The following EIF2AK4 variants were observed in gnomAD, a reference collection of about 807,000 sequenced individuals.
EIF2AK4 encodes eukaryotic translation initiation factor 2 alpha kinase 4.
EIF2AK4 carries 139 observed loss-of-function variants against 211.1 expected under a neutral mutation model. The ratio of observed to expected loss-of-function variants is 0.66; its 90% CI spans 0.57 to 0.76. The LOEUF (loss-of-function observed/expected upper bound fraction) is 0.76. EIF2AK4 is among the 30% of genes least tolerant of loss of function. The pLI is 0.00. For synonymous variants in EIF2AK4, 710 were observed against 751.3 expected, an observed-to-expected ratio of 0.94 and a Z score of 0.90; for missense variants, 1,664 against 2,043.8, an observed-to-expected ratio of 0.81 and a Z score of 3.58.
chr15:40,035,036 G>A lies in EIF2AK4; in HGVS notation c.4902G>A (p.Val1634=), dbSNP rs901610212. The part of the protein sequence containing the change: ...YNIKVEKKVS[V]LFLYSYRDDY... ...TTCTTTTCTTTTGCAGGGTGTCTGT[G>A]CTATTTCTGTACAGCTATAGAGATG... Residue 1634 remains valine, a synonymous_variant, in exon 39 of 39, where the codon GTG becomes GTA. Transcript: ENST00000263791. 5 of 1,581,354 alleles carry A rather than the reference G, an allele frequency of 3.2e-6. No individual in the cohort carries two copies. The highest frequency in any genetic ancestry group is 3.4e-6 in the Non-Finnish European group (4 of 1,164,988).
chr15:40,012,168 T>C (rs2035243712), intron 27 of EIF2AK4, among the ~76,000 whole-genome samples: 1 of 152,200 alleles, frequency 6.6e-6, no homozygotes, highest in Non-Finnish European at 1.5e-5. Context: ...ACACCTACAG[T>C]GTGGCAGGCA....
intron 12 of EIF2AK4, 59 bp from the exon 13 acceptor site, chr15:39,978,019 A>G (rs2034725272): frequency 1.6e-6 from 2 of 1,260,084 alleles, no homozygotes; most frequent in Non-Finnish European, 2.3e-6. Context: ...AAAAATGTCC[A>G]TGTTTATAAT....
chr15:40,025,900 G>C (rs2035460149), intron 32 of EIF2AK4, 77 bp from the exon 33 acceptor site: 1 of 1,373,586 alleles, frequency 7.3e-7, no homozygotes, highest in Non-Finnish European at 1.0e-6. Flanking sequence ...TGATTTAGTA[G>C]TCTTACTGTG....
rs1161664208 is a variant in EIF2AK4, at chr15:40,034,028, C to CA, written c.4774-279dup. Among the ~76,000 whole-genome samples the CA allele has an allele frequency of 3.8e-3, 259 of 68,780 alleles. 1 individual carries two copies. Among genetic ancestry groups the CA allele is most frequent in the Middle Eastern group, 0.01 (1 of 98 alleles). The allele number at this position is 68,780 out of a possible 152,430, so 45.1% of individuals were successfully genotyped here. ...GGGCAACAAGACCGAAACTCCATCT[C>CA]AAAAAAAAAAAAAAAAAAAGTAAAC... On this transcript the variant is annotated intron_variant, in intron 37 of 38. Coordinates refer to ENST00000263791, the MANE Select transcript of EIF2AK4 (RefSeq NM_001013703.4).
rs147718294 is a variant in EIF2AK4 at position 39,949,030 on chromosome 15, A to T, written c.361-86A>T. 3.8e-4 allele frequency: 582 copies of T among 1,519,006 alleles called. 3 individuals carry two copies. In the African/African-American group the frequency reaches 7.3e-3, roughly 19 times the overall value. The allele number at this position is 1,519,006 out of a possible 1,614,324, so 94.1% of individuals were successfully genotyped here. A position where few individuals can be genotyped will look rare whatever the true frequency, so the allele number is the denominator to read the frequency against. On this transcript the variant is annotated intron_variant, in intron 3 of 38. Coordinates refer to ENST00000263791, the MANE Select transcript of EIF2AK4 (RefSeq NM_001013703.4). ...CATTCTAAGTGGGCCTCTGACCGCC[A>T]GTTTGCTTTCCTGTTCTGTAGCCTC...
chr15:40,016,318 C>T (rs2035302010), intron 27 of EIF2AK4, among the ~76,000 whole-genome samples, 184 bp from the exon 28 acceptor site: 1 of 152,226 alleles, frequency 6.6e-6, no homozygotes, highest in African/African-American at 2.4e-5. Context: ...CTGCAAGGTG[C>T]TTTCAAGTTG....
rs780148803 is a variant in EIF2AK4, at chr15:39,976,824, C to T, written c.2229C>T (p.Gly743=). The T allele has an allele frequency of 9.1e-6, 14 of 1,537,360 alleles. No individual in the cohort carries two copies. Among genetic ancestry groups the T allele is most frequent in the South Asian group, 6.2e-5 (5 of 81,130 alleles). The change falls in exon 12 of 39, where the codon GGC becomes GGT. Residue 743 remains glycine (G), a synonymous_variant. Transcript: ENST00000263791. ...ACGACGACGAGGACGAGCACGGTGG[C>T]GTCTTCTCCCAGTCCTTCCTGTAAG... is the stretch of plus-strand genomic sequence containing the variant. The part of the protein sequence containing the change: ...DEDDDEDEHG[G]VFSQSFLPAS...
chr15:40,003,117 G>A (rs2035114524), intron 22 of EIF2AK4, 76 bp from the exon 23 acceptor site: 1 of 1,574,520 alleles, frequency 6.4e-7, no homozygotes, highest in African/African-American at 1.4e-5. Flanking sequence ...TAACTGTCAG[G>A]TTTGTGTTAA....
intron 13 of EIF2AK4, among the ~76,000 whole-genome samples, chr15:39,979,432 G>T (rs936748291): frequency 6.6e-6 from 1 of 152,174 alleles, no homozygotes; most frequent in Non-Finnish European, 1.5e-5. Context: ...ACTTTGTCCA[G>T]ATTAAGAAAG....
At chr15:39,977,269 G>C (rs2034713068) in intron 12 of EIF2AK4, 1 of 159,756 alleles carries the variant, frequency 6.3e-6, no homozygotes, top group South Asian at 2.0e-4. Flanking sequence ...ACGGGTGTTA[G>C]GGAAATAGTT....
chr15:40,008,210 T>G lies in EIF2AK4; in HGVS notation c.3576+15T>G. The G allele has an allele frequency of 6.3e-7, 1 of 1,578,372 alleles. No homozygotes were observed. The highest frequency in any genetic ancestry group is 8.6e-7 in the Non-Finnish European group (1 of 1,164,366). On this transcript the variant is annotated intron_variant, in intron 25 of 38. Coordinates refer to ENST00000263791, the MANE Select transcript of EIF2AK4 (RefSeq NM_001013703.4). The stretch of plus-strand genomic sequence containing the variant: ...CAGCACTTCAGGTTCCTTTCCATAT[T>G]TTAACATTCCAAGATTCCCCACTAT...
At chr15:39,979,219 T>C (rs1240285856) in intron 13 of EIF2AK4, among the ~76,000 whole-genome samples, 1 of 152,208 alleles carries the variant, frequency 6.6e-6, no homozygotes, top group African/African-American at 2.4e-5. Flanking sequence ...TACTAGACGT[T>C]ATAAAATCAT....
chr15:39,992,756 T>C lies in EIF2AK4; in HGVS notation c.2687-13T>C. 1.2e-6 allele frequency: 2 copies of C among 1,613,502 alleles called. No individual in the cohort carries two copies. The highest frequency in any genetic ancestry group is 2.7e-5 in the African/African-American group (2 of 75,034). On this transcript the variant is annotated splice_polypyrimidine_tract_variant and intron_variant, in intron 17 of 38. Transcript: ENST00000263791. ...ATTATTGGGACGTTTTCCCTCTGTT[T>C]TCCTCCACACAGGTCACTTAACTGG...
In EIF2AK4 at chr15:40,002,511, G is replaced by A. The variant is rs575103003; in HGVS notation, c.3160-202G>A. Reference sequence around the variant, plus strand: ...AGGCATCCTTCCCATTGGTTGAAAGGTTAGCTCTTGCTTTCCAAAGCAGGC... The same window carrying A: ...AGGCATCCTTCCCATTGGTTGAAAGATTAGCTCTTGCTTTCCAAAGCAGGC... On this transcript the variant is annotated intron_variant, in intron 21 of 38. Transcript: ENST00000263791. 7.0e-5 allele frequency: 36 copies of A among 516,076 alleles called. No homozygotes were observed. In the South Asian group the frequency reaches 9.4e-4, roughly 14 times the overall value. 32.0% of individuals were successfully genotyped at this position (516,076 alleles called of 1,614,324 possible).
At chr15:40,024,514 C>T in intron 32 of EIF2AK4, among the ~76,000 whole-genome samples, 1 of 150,352 alleles carries the variant, frequency 6.7e-6, no homozygotes, top group East Asian at 2.0e-4. Flanking sequence ...GTTCTCCTAC[C>T]TCAGCCTCCT....
At chr15:39,980,738 G>C (rs973516344) in intron 13 of EIF2AK4, among the ~76,000 whole-genome samples, 3 of 152,098 alleles carry the variant, frequency 2.0e-5, no homozygotes, top group Non-Finnish European at 4.4e-5. Context: ...ACCCATGCTG[G>C]AGTGCAGTGG....
chr15:39,969,424 G>A (rs536760855), intron 9 of EIF2AK4, among the ~76,000 whole-genome samples: 1 of 138,242 alleles, frequency 7.2e-6, no homozygotes, highest in East Asian at 2.1e-4. Flanking sequence ...GCAGTGGTAC[G>A]ATCTCAGCTT....
intron 6 of EIF2AK4, among the ~76,000 whole-genome samples, chr15:39,959,518 G>T (rs992747146): frequency 6.6e-6 from 1 of 152,014 alleles, no homozygotes; most frequent in Non-Finnish European, 1.5e-5. Context: ...TTCAATCCTA[G>T]TTATTCCTTA....
In EIF2AK4 at chr15:40,031,173, G is replaced by C. The variant is rs1221026535; in HGVS notation, c.4659+717G>C. On this transcript the variant is annotated intron_variant, in intron 35 of 38. Transcript: ENST00000263791. Reference sequence around the variant, plus strand: ...GAGAATTGCTTGAACTGGGGAGGCAGAGATTGCAGTGAGCCAAGATCATGG... The same window carrying C: ...GAGAATTGCTTGAACTGGGGAGGCACAGATTGCAGTGAGCCAAGATCATGG... 3.3e-5 allele frequency among the ~76,000 whole-genome samples: 5 copies of C among 152,322 alleles called. No individual in the cohort carries two copies. In the East Asian group the frequency reaches 9.7e-4, roughly 29 times the overall value.
Sources: gnomAD v4.1 joint callset for allele counts (sites outside exome capture counted in the v4.1 genomes callset) on GRCh38, gnomAD v4.1.1 for gene constraint, MANE v1.5 for transcripts, NCBI Gene and HGNC (gene_info 2026-07-23, HGNC 2026-07-21) for gene names.